TRIO: variants seen among roughly 807,000 people sequenced by gnomAD.
TRIO encodes trio Rho guanine nucleotide exchange factor, also known as triple functional domain protein.
In TRIO, 58 loss-of-function variants were observed where a neutral mutation model predicts 351.9. The observed-to-expected ratio is 0.16, with a 90% CI of 0.13 to 0.21. The LOEUF (loss-of-function observed/expected upper bound fraction) is 0.21, where lower values mean the gene tolerates loss of function less well. Ranked by LOEUF, TRIO falls within the 10% of genes least tolerant of loss-of-function variation. The probability of loss-of-function intolerance (pLI) is 1.00; values close to 1 mark genes in which losing one functional copy is unlikely to be tolerated. For missense variants in TRIO, 3,201 were observed against 4,027.8 expected (o/e 0.79, Z 5.56); for synonymous variants, 1,758 against 1,595.7 (o/e 1.10, Z -2.42).
chr5:14,347,169 C>A (rs152178), intron 11 of TRIO, among the ~76,000 whole-genome samples: 1 of 154 alleles, frequency 6.5e-3, no homozygotes, highest in African/African-American at 0.062. Flanking sequence ...AGAGATGATG[C>A]TGGACCAGTC....
chr5:14,177,885 G>A (rs958898713), intron 1 of TRIO, among the ~76,000 whole-genome samples: 3 of 152,108 alleles, frequency 2.0e-5, no homozygotes, highest in African/African-American at 4.8e-5. Context: ...AAGCAAAATC[G>A]GTCCTCACCA....
intron 37 of TRIO, among the ~76,000 whole-genome samples, chr5:14,469,080 A>G (rs1296606982): frequency 6.6e-6 from 1 of 152,228 alleles, no homozygotes; most frequent in Non-Finnish European, 1.5e-5. Context: ...ACTAATCAAA[A>G]TATAAAGGGA....
chr5:14,394,694 C>T (rs890370404), intron 28 of TRIO, among the ~76,000 whole-genome samples: 4 of 152,070 alleles, frequency 2.6e-5, no homozygotes, highest in Admixed American at 6.6e-5. Context: ...CCATACAGAC[C>T]GCAAGTATTG....
At chr5:14,208,731 G>A (rs1004176678) in intron 1 of TRIO, among the ~76,000 whole-genome samples, 1 of 152,234 alleles carries the variant, frequency 6.6e-6, no homozygotes, top group African/African-American at 2.4e-5. Flanking sequence ...TTAGTCACAA[G>A]TGGACAGTTC....
chr5:14,173,978 G>C (rs1789257084), intron 1 of TRIO, among the ~76,000 whole-genome samples: 1 of 152,230 alleles, frequency 6.6e-6, no homozygotes, highest in African/African-American at 2.4e-5. Flanking sequence ...GTGAGCACCA[G>C]CGGCTGCAAG....
intron 1 of TRIO, among the ~76,000 whole-genome samples, chr5:14,180,100 C>CAAAAAAAAAAAA (rs70964542): frequency 7.2e-5 from 2 of 27,752 alleles, no homozygotes; most frequent in Non-Finnish European, 1.4e-4. Flanking sequence ...GACTCCTGCT[C>CAAAAAAAAAAAA]AAAAAAAAAA....
At chr5:14,474,641 C>G (rs1754916239) in intron 40 of TRIO, among the ~76,000 whole-genome samples, 1 of 152,096 alleles carries the variant, frequency 6.6e-6, no homozygotes, top group Non-Finnish European at 1.5e-5. Flanking sequence ...ACCTTGAAGA[C>G]ACTCATTTGT....
intron 49 of TRIO, among the ~76,000 whole-genome samples, chr5:14,494,945 T>C (rs1756765590): frequency 1.3e-5 from 2 of 152,224 alleles, no homozygotes; most frequent in Non-Finnish European, 2.9e-5. Flanking sequence ...ATGCCATAGC[T>C]ACCATAGGCA....
In TRIO at chr5:14,412,888, C is replaced by T. The variant is rs115163847; in HGVS notation, c.4959+6216C>T. ...CCCACCAGCAAACCTCTGGCCTCTG[C>T]CTCAGCAGCTGGTGGTCTTGGGCAA... On this transcript the variant is annotated intron_variant, in intron 33 of 56. Coordinates refer to ENST00000344204, the MANE Select transcript of TRIO (RefSeq NM_007118.4). Among the ~76,000 whole-genome samples the T allele has an allele frequency of 7.0e-3, 1,074 of 152,354 alleles. 8 individuals are homozygous for T. The highest frequency in any genetic ancestry group is 0.023 in the African/African-American group (973 of 41,584).
At chr5:14,470,094 G>A (rs1044713277) in intron 37 of TRIO, among the ~76,000 whole-genome samples, 1 of 152,154 alleles carries the variant, frequency 6.6e-6, no homozygotes, top group African/African-American at 2.4e-5. Context: ...TTAAAAGAGT[G>A]CATTTATTTT....
At chr5:14,382,830 T>A (rs954448395) in intron 21 of TRIO, among the ~76,000 whole-genome samples, 4 of 148,562 alleles carry the variant, frequency 2.7e-5, no homozygotes, top group African/African-American at 1.0e-4. Context: ...CATTATATGA[T>A]CTGTATTTAG....
At chr5:14,301,976 AG>A (rs1185420840) in intron 7 of TRIO, among the ~76,000 whole-genome samples, 4 of 152,188 alleles carry the variant, frequency 2.6e-5, no homozygotes, top group African/African-American at 7.2e-5. Context: ...ACCCAGAAAA[AG>A]GGCAGAATCC....
At chr5:14,274,808 G>A (rs1485922223) in intron 2 of TRIO, among the ~76,000 whole-genome samples, 1 of 152,140 alleles carries the variant, frequency 6.6e-6, no homozygotes, top group Non-Finnish European at 1.5e-5. Flanking sequence ...CTCTTATGAA[G>A]TTAAAATTGT....
At chr5:14,289,612 C>T (rs1736740213) in intron 4 of TRIO, among the ~76,000 whole-genome samples, 1 of 151,948 alleles carries the variant, frequency 6.6e-6, no homozygotes, top group South Asian at 2.1e-4. Flanking sequence ...CTTTGGGAGG[C>T]TGAAGTGGGT....
chr5:14,495,871 G>A (rs999183649), intron 49 of TRIO, among the ~76,000 whole-genome samples: 8 of 152,090 alleles, frequency 5.3e-5, no homozygotes, highest in Non-Finnish European at 7.4e-5. Flanking sequence ...GGGAGGCTGA[G>A]GCAGGAGAAT....
At chr5:14,430,876 T>A (rs1360599837) in intron 34 of TRIO, among the ~76,000 whole-genome samples, 1 of 151,972 alleles carries the variant, frequency 6.6e-6, no homozygotes, top group African/African-American at 2.4e-5. Flanking sequence ...CCACCCTGAC[T>A]AATTTTTATA....
At chr5:14,477,666 C>A (rs974581591) in intron 41 of TRIO, among the ~76,000 whole-genome samples, 3 of 152,126 alleles carry the variant, frequency 2.0e-5, no homozygotes, top group South Asian at 2.1e-4. Context: ...GAAAACCTAC[C>A]CATGAACTTC....
chr5:14,423,016 G>A (rs528464804), intron 34 of TRIO, among the ~76,000 whole-genome samples: 5 of 152,304 alleles, frequency 3.3e-5, no homozygotes, highest in Admixed American at 6.5e-5. Flanking sequence ...TGCATGTCCC[G>A]GTGTCCTTTG....
intron 48 of TRIO, chr5:14,488,858 C>T: frequency 1.4e-6 from 1 of 712,388 alleles, no homozygotes; most frequent in Middle Eastern, 2.7e-4. Context: ...CTGCTCTGGG[C>T]ACCTGGCGAG....
Sources: gnomAD v4.1 joint callset for allele counts (sites outside exome capture counted in the v4.1 genomes callset) on GRCh38, gnomAD v4.1.1 for gene constraint, MANE v1.5 for transcripts, NCBI Gene and HGNC (gene_info 2026-07-23, HGNC 2026-07-21) for gene names.